MAP2K1: variants seen among roughly 807,000 people sequenced by gnomAD.
MAP2K1 encodes mitogen-activated protein kinase kinase 1.
MAP2K1 carries 16 observed loss-of-function variants against 46.3 expected under a neutral mutation model. The observed-to-expected ratio is 0.35, with a 90% confidence interval of 0.23 to 0.52. MAP2K1 has a LOEUF of 0.52. MAP2K1 is among the 20% of genes least tolerant of loss of function. MAP2K1 has a pLI of 0.94. For missense variants in MAP2K1, 263 were observed against 497.1 expected (o/e 0.53, Z 4.48); for synonymous variants, 183 against 185.6 (o/e 0.99, Z 0.11).
chr15:66,455,368 A>G (rs1892140788), intron 5 of MAP2K1, among the ~76,000 whole-genome samples: 1 of 152,222 alleles, frequency 6.6e-6, no homozygotes. Context: ...GATTCTTCAA[A>G]TAGAAGTTTT....
At position 66,482,011 on chromosome 15, in the gene MAP2K1, C is replaced by T. The variant is rs772077073; in HGVS notation, c.693+132C>T. ...GAAGTGAGGGAGGAGGCACAGTGCT[C>T]TGCCCTGAGGAGATGAAGTTGAATG... On this transcript the variant is annotated intron_variant, in intron 6 of 10. Transcript: ENST00000307102. 4.4e-5 allele frequency: 50 copies of T among 1,133,732 alleles called. No individual in the cohort carries two copies. The Admixed American group carries it at 6.5e-4, about 15-fold the overall frequency. The allele number at this position is 1,133,732 out of a possible 1,614,324, so 70.2% of individuals were successfully genotyped here.
chr15:66,391,921 A>G (rs1442340705), intron 1 of MAP2K1, among the ~76,000 whole-genome samples: 1 of 152,226 alleles, frequency 6.6e-6, no homozygotes, highest in East Asian at 1.9e-4. Flanking sequence ...ACAAATCTGC[A>G]TTTCATAGAC....
At chr15:66,472,960 C>T (rs1327145967) in intron 5 of MAP2K1, among the ~76,000 whole-genome samples, 1 of 152,188 alleles carries the variant, frequency 6.6e-6, no homozygotes, top group African/African-American at 2.4e-5. Flanking sequence ...CACCTCACTA[C>T]CTCCCACCTC....
intron 5 of MAP2K1, among the ~76,000 whole-genome samples, chr15:66,447,614 C>T (rs991657079): frequency 6.7e-6 from 1 of 149,660 alleles, no homozygotes; most frequent in Non-Finnish European, 1.5e-5. Context: ...TTGTTTGAAC[C>T]TGGGGGGCGG....
chr15:66,457,655 T>C (rs1350465691), intron 5 of MAP2K1, among the ~76,000 whole-genome samples: 2 of 152,156 alleles, frequency 1.3e-5, no homozygotes, highest in Admixed American at 1.3e-4. Context: ...CTTTAGAATT[T>C]AAGCACAAAA....
chr15:66,470,453 A>G (rs1012268732), intron 5 of MAP2K1, among the ~76,000 whole-genome samples: 1 of 152,210 alleles, frequency 6.6e-6, no homozygotes, highest in Non-Finnish European at 1.5e-5. Context: ...GTTGGAAGCA[A>G]GCTCAAAACT....
chr15:66,432,958 C>CTGTGTGTGTGTG (rs1430276423), intron 1 of MAP2K1, among the ~76,000 whole-genome samples: 8 of 37,484 alleles, frequency 2.1e-4, no homozygotes, highest in South Asian at 1.6e-3. Flanking sequence ...CCATCATGCA[C>CTGTGTGTGTGTG]AGTGTGTGTG....
intron 5 of MAP2K1, among the ~76,000 whole-genome samples, chr15:66,445,973 C>T (rs1891857023): frequency 6.6e-6 from 1 of 151,930 alleles, no homozygotes; most frequent in Non-Finnish European, 1.5e-5. Context: ...CCTGTAATCC[C>T]AGCATTTTGG....
chr15:66,490,621 T>G lies in MAP2K1; in HGVS notation c.*6T>G, dbSNP rs1445596534. ...CCCATGCTGCTGGCGTCTAAGTGTT[T>G]GGGAAGCAACAAAGAGCGAGTCCCC... On this transcript the variant is annotated 3_prime_UTR_variant, in exon 11 of 11. Coordinates refer to ENST00000307102, the MANE Select transcript of MAP2K1 (RefSeq NM_002755.4). 2.5e-6 allele frequency: 4 copies of G among 1,612,606 alleles called. No individual in the cohort carries two copies. The highest frequency in any genetic ancestry group is 3.4e-6 in the Non-Finnish European group (4 of 1,178,686).
intron 5 of MAP2K1, among the ~76,000 whole-genome samples, chr15:66,449,733 A>G (rs1406178836): frequency 6.6e-6 from 1 of 151,946 alleles, no homozygotes; most frequent in East Asian, 1.9e-4. Context: ...TACAAAAATT[A>G]AGCCGGGTGT....
chr15:66,389,485 A>C (rs1248859266), intron 1 of MAP2K1, among the ~76,000 whole-genome samples: 1 of 151,938 alleles, frequency 6.6e-6, no homozygotes, highest in African/African-American at 2.4e-5. Context: ...TGGCAGAAAA[A>C]TTTGGATGGT....
intron 3 of MAP2K1, among the ~76,000 whole-genome samples, chr15:66,438,937 TAGTC>T (rs770673754): frequency 2.0e-5 from 3 of 152,116 alleles, no homozygotes; most frequent in African/African-American, 4.8e-5. Context: ...GCAGCTAGAA[TAGTC>T]AGTCAGTGGT....
intron 1 of MAP2K1, among the ~76,000 whole-genome samples, chr15:66,420,805 G>A (rs188804226): frequency 0.03 from 1,881 of 62,982 alleles, 263 homozygotes; most frequent in Non-Finnish European, 0.047. Context: ...ATATATATGT[G>A]TATATATATG....
intron 1 of MAP2K1, among the ~76,000 whole-genome samples, chr15:66,396,229 C>T (rs575333640): frequency 6.6e-6 from 1 of 152,168 alleles, no homozygotes; most frequent in East Asian, 1.9e-4. Flanking sequence ...GTGATCCGCC[C>T]TCCTCGGCCT....
At chr15:66,416,534 T>G (rs2093425041) in intron 1 of MAP2K1, among the ~76,000 whole-genome samples, 1 of 152,138 alleles carries the variant, frequency 6.6e-6, no homozygotes, top group African/African-American at 2.4e-5. Context: ...AACCCAGAGA[T>G]TCACTCAAGT....
intron 1 of MAP2K1, among the ~76,000 whole-genome samples, chr15:66,410,017 C>T (rs1159291740): frequency 6.6e-6 from 1 of 152,188 alleles, no homozygotes; most frequent in African/African-American, 2.4e-5. Flanking sequence ...CTTGATAGTT[C>T]AGCCTCCTGT....
At chr15:66,399,602 G>A (rs1201370224) in intron 1 of MAP2K1, among the ~76,000 whole-genome samples, 1 of 151,948 alleles carries the variant, frequency 6.6e-6, no homozygotes, top group Non-Finnish European at 1.5e-5. Context: ...CTATAGGCAC[G>A]TGCCAATACA....
At chr15:66,464,059 G>T (rs1398100100) in intron 5 of MAP2K1, among the ~76,000 whole-genome samples, 2 of 152,342 alleles carry the variant, frequency 1.3e-5, no homozygotes, top group East Asian at 3.9e-4. Context: ...CTTTAGCTTA[G>T]TGATTTTTGG....
intron 5 of MAP2K1, among the ~76,000 whole-genome samples, chr15:66,452,643 G>T (rs1021316428): frequency 6.6e-6 from 1 of 152,212 alleles, no homozygotes; most frequent in African/African-American, 2.4e-5. Flanking sequence ...GGAACATCTG[G>T]TGGAGTAAAG....
Sources: gnomAD v4.1 joint callset for allele counts (sites outside exome capture counted in the v4.1 genomes callset) on GRCh38, gnomAD v4.1.1 for gene constraint, MANE v1.5 for transcripts, NCBI Gene and HGNC (gene_info 2026-07-23, HGNC 2026-07-21) for gene names.